The following EXOC6B variants were observed in gnomAD, a reference collection of about 807,000 sequenced individuals.
EXOC6B encodes the protein SEC15 homolog B.
Under a neutral mutation model 113.5 loss-of-function variants are expected in EXOC6B, and 54 were observed. The observed-to-expected ratio is 0.48, with a 90% CI of 0.38 to 0.60. The LOEUF is 0.60. EXOC6B is among the 20% of genes least tolerant of loss of function. EXOC6B has a pLI of 0.00. For missense variants in EXOC6B, 797 were observed against 977.5 expected, an observed-to-expected ratio of 0.82 and a Z score of 2.46; for synonymous variants, 357 against 339.0, an observed-to-expected ratio of 1.05 and a Z score of -0.58.
chr2:72,723,602 A>T (rs1316657011), intron 5 of EXOC6B, among the ~76,000 whole-genome samples: 2 of 152,178 alleles, frequency 1.3e-5, no homozygotes, highest in Non-Finnish European at 2.9e-5. Flanking sequence ...TTCATCACAG[A>T]AAAATATTAG....
At chr2:72,244,262 T>C (rs1310817210) in intron 20 of EXOC6B, among the ~76,000 whole-genome samples, 2 of 152,074 alleles carry the variant, frequency 1.3e-5, no homozygotes, top group Non-Finnish European at 2.9e-5. Flanking sequence ...GGCTGAGAAA[T>C]GCCAAAATAC....
intron 6 of EXOC6B, among the ~76,000 whole-genome samples, chr2:72,646,869 C>G (rs925645742): frequency 6.6e-6 from 1 of 152,184 alleles, no homozygotes; most frequent in Admixed American, 6.5e-5. Context: ...AAACTGGAAG[C>G]ATTCCCTTTG....
rs566413180 is a variant in EXOC6B at position 72,551,852 on chromosome 2, C to T, written c.915+7601G>A. Among the ~76,000 whole-genome samples, 16 of 152,274 alleles carry T rather than the reference C, an allele frequency of 1.1e-4. No homozygotes were observed. The East Asian group carries it at 2.7e-3, about 26-fold the overall frequency. On this transcript the variant is annotated intron_variant, in intron 8 of 21. Transcript: ENST00000272427. The stretch of plus-strand genomic sequence containing the variant: ...ATACACACAGTGATGAGATACAATG[C>T]GGTCATACTATAATCATTCAAAGAA...
At chr2:72,768,766 A>G (rs1683251013) in intron 1 of EXOC6B, among the ~76,000 whole-genome samples, 1 of 152,200 alleles carries the variant, frequency 6.6e-6, no homozygotes, top group Non-Finnish European at 1.5e-5. Context: ...CTTATGAAAG[A>G]TATCAGTCCA....
intron 6 of EXOC6B, among the ~76,000 whole-genome samples, chr2:72,668,380 G>A (rs1246178944): frequency 2.0e-5 from 3 of 151,572 alleles, no homozygotes; most frequent in Non-Finnish European, 2.9e-5. Context: ...AGCAAGAGTT[G>A]AACTACCATT....
At chr2:72,674,878 T>A (rs1676178106) in intron 6 of EXOC6B, among the ~76,000 whole-genome samples, 1 of 152,180 alleles carries the variant, frequency 6.6e-6, no homozygotes, top group Admixed American at 6.5e-5. Flanking sequence ...GATTATCTGT[T>A]TAAATTCCAA....
chr2:72,313,288 A>C (rs1230398251), intron 20 of EXOC6B, among the ~76,000 whole-genome samples: 1 of 152,178 alleles, frequency 6.6e-6, no homozygotes, highest in African/African-American at 2.4e-5. Flanking sequence ...TCCTGGGTGA[A>C]GAAATATTTG....
chr2:72,384,415 A>G (rs1691873093), intron 18 of EXOC6B, among the ~76,000 whole-genome samples: 1 of 152,104 alleles, frequency 6.6e-6, no homozygotes, highest in African/African-American at 2.4e-5. Context: ...AATGTCATAC[A>G]CAAAAGTGAA....
In EXOC6B at chr2:72,767,388, G is replaced by A. The variant is rs968234241; in HGVS notation, c.114-25919C>T. On this transcript the variant is annotated intron_variant, in intron 1 of 21. Coordinates refer to ENST00000272427, the MANE Select transcript of EXOC6B (RefSeq NM_015189.3). Reference sequence around the variant, plus strand: ...GGAGGTTGCAGTAAACCAAGATCGCGCCATTTCACTCCAACCTGGGCAAAA... The same window carrying A: ...GGAGGTTGCAGTAAACCAAGATCGCACCATTTCACTCCAACCTGGGCAAAA... 1.1e-4 allele frequency among the ~76,000 whole-genome samples: 17 copies of A among 151,970 alleles called. No individual in the cohort carries two copies. The East Asian group carries it at 2.9e-3, about 26-fold the overall frequency.
chr2:72,665,780 C>T (rs1675347422), intron 6 of EXOC6B, among the ~76,000 whole-genome samples: 1 of 152,160 alleles, frequency 6.6e-6, no homozygotes, highest in African/African-American at 2.4e-5. Flanking sequence ...TATAAAGGAA[C>T]TACGCAATCA....
chr2:72,789,572 A>C (rs1684562103), intron 1 of EXOC6B, among the ~76,000 whole-genome samples: 1 of 152,206 alleles, frequency 6.6e-6, no homozygotes, highest in Non-Finnish European at 1.5e-5. Flanking sequence ...TTGTATCATG[A>C]TTAATGTTCA....
At chr2:72,330,482 A>G (rs547973606) in intron 20 of EXOC6B, among the ~76,000 whole-genome samples, 2 of 152,130 alleles carry the variant, frequency 1.3e-5, no homozygotes, top group South Asian at 4.1e-4. Flanking sequence ...AACATACAAA[A>G]CACCCATGTT....
chr2:72,204,152 T>C (rs1679679638), intron 20 of EXOC6B, among the ~76,000 whole-genome samples: 1 of 152,220 alleles, frequency 6.6e-6, no homozygotes, highest in African/African-American at 2.4e-5. Context: ...TTGTCCATTT[T>C]TGTCTTATTA....
chr2:72,267,498 C>T (rs1684201775), intron 20 of EXOC6B, among the ~76,000 whole-genome samples: 3 of 152,264 alleles, frequency 2.0e-5, no homozygotes, highest in African/African-American at 7.2e-5. Context: ...GTCTTTTCTG[C>T]ATCTATTGAG....
At chr2:72,440,781 G>A (rs1303439664) in intron 18 of EXOC6B, among the ~76,000 whole-genome samples, 1 of 152,142 alleles carries the variant, frequency 6.6e-6, no homozygotes, top group Non-Finnish European at 1.5e-5. Flanking sequence ...GTCTTCAAGA[G>A]ACCCATCTTA....
At chr2:72,487,666 G>A (rs761690955) in intron 16 of EXOC6B, among the ~76,000 whole-genome samples, 1 of 152,142 alleles carries the variant, frequency 6.6e-6, no homozygotes, top group African/African-American at 2.4e-5. Flanking sequence ...ATCCTACACT[G>A]ACAGTTTTAA....
chr2:72,473,086 T>C (rs1265590982), intron 17 of EXOC6B, among the ~76,000 whole-genome samples: 5 of 152,180 alleles, frequency 3.3e-5, no homozygotes, highest in Non-Finnish European at 5.9e-5. Context: ...AGATTTGTTT[T>C]GTGGCTTAAT....
chr2:72,525,559 T>C (rs1701712045), intron 8 of EXOC6B, among the ~76,000 whole-genome samples: 1 of 152,116 alleles, frequency 6.6e-6, no homozygotes, highest in Non-Finnish European at 1.5e-5. Flanking sequence ...AAAATTTGGA[T>C]TTCACTTTTA....
In EXOC6B at chr2:72,617,730, G is replaced by T. The variant is rs1028641431; in HGVS notation, c.670-42062C>A. 7.3e-5 allele frequency among the ~76,000 whole-genome samples: 11 copies of T among 151,680 alleles called. No individual in the cohort carries two copies. In the East Asian group the frequency reaches 1.9e-3, roughly 27 times the overall value. ...GGGTTTCAGCAGGTTGGCCACAGTG[G>T]TCTCAAATTCCCAACCTCAAGTGAT... On this transcript the variant is annotated intron_variant, in intron 6 of 21. Coordinates refer to ENST00000272427, the MANE Select transcript of EXOC6B (RefSeq NM_015189.3).
Sources: allele counts gnomAD v4.1 joint callset (sites outside exome capture counted in the v4.1 genomes callset), GRCh38; gene constraint gnomAD v4.1.1; transcripts MANE v1.5; gene names NCBI Gene and HGNC (gene_info 2026-07-23, HGNC 2026-07-21).